Variants in GALNT13 observed in about 807,000 individuals in gnomAD.
GALNT13 encodes the protein polypeptide N-acetylgalactosaminyltransferase 13, also known as UDP-GalNAc:polypeptide N-acetylgalactosaminyltransferase 13.
In GALNT13, 28 loss-of-function variants were observed where a neutral mutation model predicts 64.2. The ratio of observed to expected loss-of-function variants is 0.44; its 90% CI spans 0.32 to 0.60. The LOEUF is 0.60. Among genes scored for constraint, GALNT13 ranks in the 20% least tolerant of loss-of-function variants. The probability of loss-of-function intolerance (pLI) is 0.05; values close to 1 mark genes in which losing one functional copy is unlikely to be tolerated. For missense variants in GALNT13, 577 were observed against 669.8 expected (o/e 0.86, Z 1.53); for synonymous variants, 214 against 224.6 (o/e 0.95, Z 0.42).
chr2:153,586,288 T>C, the GALNT13 span, among the ~76,000 whole-genome samples: 5 of 152,306 alleles, frequency 3.3e-5, no homozygotes, highest in East Asian at 9.6e-4. Context: ...TCCAAATATA[T>C]GCAGCTTACA....
chr2:153,765,910 G>A, the GALNT13 span, among the ~76,000 whole-genome samples: 5 of 152,242 alleles, frequency 3.3e-5, no homozygotes, highest in Admixed American at 6.5e-5. Context: ...CTGCCACCAC[G>A]TAAGATGTGA....
the GALNT13 span, among the ~76,000 whole-genome samples, chr2:153,408,642 G>A: frequency 6.6e-6 from 1 of 151,568 alleles, no homozygotes; most frequent in Admixed American, 6.6e-5. Context: ...TTTTGTTGTT[G>A]TTGTTTTTTG....
the GALNT13 span, among the ~76,000 whole-genome samples, chr2:153,579,296 T>G: frequency 1.3e-5 from 2 of 152,080 alleles, no homozygotes; most frequent in African/African-American, 2.4e-5. Flanking sequence ...TTTTCTAATA[T>G]GTATTCCAAA....
intron 4 of GALNT13, among the ~76,000 whole-genome samples, chr2:154,237,482 T>A (rs751501841): frequency 1.7e-4 from 26 of 148,662 alleles, no homozygotes; most frequent in Non-Finnish European, 3.1e-4. Context: ...TTGAATTGTT[T>A]CTGGAAATAA....
chr2:153,168,475 AC>A, the GALNT13 span, among the ~76,000 whole-genome samples: 6 of 152,210 alleles, frequency 3.9e-5, no homozygotes, highest in Admixed American at 3.9e-4. Flanking sequence ...TGCTATATAT[AC>A]ATTATGAAAT....
At chr2:154,345,653 T>A (rs1192068037) in intron 9 of GALNT13, among the ~76,000 whole-genome samples, 1 of 152,094 alleles carries the variant, frequency 6.6e-6, no homozygotes, top group African/African-American at 2.4e-5. Flanking sequence ...TGAGACCCAC[T>A]GAGGAATGTT....
the GALNT13 span, among the ~76,000 whole-genome samples, chr2:153,102,768 C>A: frequency 6.6e-6 from 1 of 152,128 alleles, no homozygotes; most frequent in East Asian, 1.9e-4. Flanking sequence ...AGCTGGTGTG[C>A]CATGTCAAAT....
chr2:153,928,807 A>G (rs970417022), intron 2 of GALNT13, among the ~76,000 whole-genome samples: 1 of 152,186 alleles, frequency 6.6e-6, no homozygotes, highest in Non-Finnish European at 1.5e-5. Flanking sequence ...CAACCATAGC[A>G]TCTTCATAGA....
At chr2:153,613,331 T>G in the GALNT13 span, among the ~76,000 whole-genome samples, 1 of 152,180 alleles carries the variant, frequency 6.6e-6, no homozygotes, top group Non-Finnish European at 1.5e-5. Context: ...TTATAGACAC[T>G]TTTGCTGTAA....
intron 12 of GALNT13, among the ~76,000 whole-genome samples, chr2:154,450,187 G>C (rs935479569): frequency 1.8e-4 from 27 of 152,050 alleles, no homozygotes; most frequent in Admixed American, 1.8e-3. Flanking sequence ...AGTTTCTTTA[G>C]CCATCTGCAA....
At chr2:153,738,726 G>T in the GALNT13 span, among the ~76,000 whole-genome samples, 1 of 151,874 alleles carries the variant, frequency 6.6e-6, no homozygotes, top group East Asian at 1.9e-4. Context: ...ATATGCAATA[G>T]AGTTTTTGGA....
the GALNT13 span, among the ~76,000 whole-genome samples, chr2:153,393,470 G>T: frequency 6.6e-6 from 1 of 151,988 alleles, no homozygotes; most frequent in Non-Finnish European, 1.5e-5. Flanking sequence ...AAAGTTTAAA[G>T]AATTCTTTTT....
chr2:153,621,118 GTCTC>G, the GALNT13 span, among the ~76,000 whole-genome samples: 2 of 150,398 alleles, frequency 1.3e-5, no homozygotes, highest in Non-Finnish European at 1.5e-5. Context: ...AACAGAGTCC[GTCTC>G]TCTCTCTCTC....
At chr2:153,397,481 T>C in the GALNT13 span, among the ~76,000 whole-genome samples, 1 of 152,142 alleles carries the variant, frequency 6.6e-6, no homozygotes, top group Non-Finnish European at 1.5e-5. Flanking sequence ...ACGTACGATC[T>C]GATATTTTCA....
chr2:153,880,953 G>A (rs1686741451), intron 1 of GALNT13, among the ~76,000 whole-genome samples: 1 of 151,498 alleles, frequency 6.6e-6, no homozygotes, highest in Non-Finnish European at 1.5e-5. Context: ...CTTGATTCTG[G>A]TAAAACAAAA....
chr2:154,225,141 T>TGAC (rs1390777094), intron 4 of GALNT13, among the ~76,000 whole-genome samples: 2,148 of 126,988 alleles, frequency 0.017, 21 homozygotes, highest in Non-Finnish European at 0.021. Flanking sequence ...GATAGATAGA[T>TGAC]AGATGACAGA....
intron 3 of GALNT13, among the ~76,000 whole-genome samples, chr2:154,120,279 G>A (rs1350890106): frequency 6.6e-6 from 1 of 152,162 alleles, no homozygotes; most frequent in Non-Finnish European, 1.5e-5. Context: ...GGACTGCAGT[G>A]TCCTCTGGTC....
the GALNT13 span, among the ~76,000 whole-genome samples, chr2:153,723,807 A>T: frequency 6.6e-6 from 1 of 150,880 alleles, no homozygotes; most frequent in African/African-American, 2.5e-5. Context: ...ATAAAAGAGG[A>T]TACAAACAAA....
the GALNT13 span, among the ~76,000 whole-genome samples, chr2:153,411,053 G>A: frequency 6.6e-6 from 1 of 151,450 alleles, no homozygotes; most frequent in Non-Finnish European, 1.5e-5. Context: ...ATGAAGTTTC[G>A]CCATGTTGCC....
Sources: gnomAD v4.1 joint callset for allele counts (sites outside exome capture counted in the v4.1 genomes callset) on GRCh38, gnomAD v4.1.1 for gene constraint, MANE v1.5 for transcripts, NCBI Gene and HGNC (gene_info 2026-07-23, HGNC 2026-07-21) for gene names.